UBE2E2: variants seen among roughly 807,000 people sequenced by gnomAD.
UBE2E2 encodes the protein ubiquitin-conjugating enzyme E2 E2.
UBE2E2 carries 6 observed loss-of-function variants against 24.7 expected under a neutral mutation model. The observed-to-expected ratio is 0.24, with a 90% CI of 0.13 to 0.48. The LOEUF is 0.48. UBE2E2 is among the 20% of genes least tolerant of loss of function. UBE2E2 has a pLI of 0.99. For synonymous variants in UBE2E2, 104 were observed against 83.6 expected, an observed-to-expected ratio of 1.24 and a Z score of -1.33; for missense variants, 169 against 245.0, an observed-to-expected ratio of 0.69 and a Z score of 2.07.
intron 3 of UBE2E2, among the ~76,000 whole-genome samples, chr3:23,345,080 T>A (rs34732257): frequency 6.6e-6 from 1 of 152,116 alleles, no homozygotes; most frequent in Non-Finnish European, 1.5e-5. Flanking sequence ...TCAGTACAGC[T>A]GCACTTATTT....
At chr3:23,293,032 C>T (rs973880775) in intron 3 of UBE2E2, among the ~76,000 whole-genome samples, 9 of 152,164 alleles carry the variant, frequency 5.9e-5, no homozygotes, top group Admixed American at 3.9e-4. Context: ...AAGATTGCAC[C>T]ATTGCACTCC....
At chr3:23,406,563 G>A (rs747705023) in intron 3 of UBE2E2, among the ~76,000 whole-genome samples, 2 of 152,168 alleles carry the variant, frequency 1.3e-5, no homozygotes, top group Admixed American at 1.3e-4. Flanking sequence ...ATAAGACATA[G>A]TAAAACTTAA....
Position 23,535,348 on chromosome 3 carries a change from C to A in UBE2E2, c.508+2647C>A, listed in dbSNP as rs577102646. Among the ~76,000 whole-genome samples the A allele has an allele frequency of 9.8e-5, 15 of 152,326 alleles. No individual in the cohort carries two copies. In the South Asian group the frequency reaches 3.1e-3, roughly 32 times the overall value. ...ACAATAGGTGACCGATAAACACCTA[C>A]TCAGTTGAATTTAACTGGGGAGATA... On this transcript the variant is annotated intron_variant, in intron 5 of 5. Coordinates refer to ENST00000396703, the MANE Select transcript of UBE2E2 (RefSeq NM_152653.4).
At chr3:23,271,481 G>T in intron 3 of UBE2E2, among the ~76,000 whole-genome samples, 1 of 152,156 alleles carries the variant, frequency 6.6e-6, no homozygotes, top group Non-Finnish European at 1.5e-5. Context: ...GGTTGCTGCC[G>T]CTGGCTCGGG....
chr3:23,220,646 A>T (rs187438668), intron 3 of UBE2E2, among the ~76,000 whole-genome samples: 50 of 152,342 alleles, frequency 3.3e-4, no homozygotes, highest in Admixed American at 2.2e-3. Context: ...TCCACTGATC[A>T]ATAAATGTTT....
chr3:23,422,681 CCAGAAGGCAGAA>C (rs1296897680), intron 3 of UBE2E2, among the ~76,000 whole-genome samples: 2 of 152,084 alleles, frequency 1.3e-5, no homozygotes, highest in African/African-American at 4.8e-5. Context: ...TGTTCTATTT[CCAGAAGGCAGAA>C]CAGAGACAGG....
At position 23,328,709 on chromosome 3, in the gene UBE2E2, C is replaced by G. The variant is rs568317316; in HGVS notation, c.227+111397C>G. Among the ~76,000 whole-genome samples, 14 of 151,418 alleles carry G rather than the reference C, an allele frequency of 9.2e-5. 1 individual carries two copies. In the South Asian group the frequency reaches 2.3e-3, roughly 25 times the overall value. On this transcript the variant is annotated intron_variant, in intron 3 of 5. Coordinates refer to ENST00000396703, the MANE Select transcript of UBE2E2 (RefSeq NM_152653.4). ...ACGGAGTCTCGCTCTGTCGCCCACGCTAAGTGCAGTGGCGCGATCTTGACT... is the reference window on the plus strand; with the variant it reads ...ACGGAGTCTCGCTCTGTCGCCCACGGTAAGTGCAGTGGCGCGATCTTGACT...
At chr3:23,270,149 CTCCTT>C (rs1559327490) in intron 3 of UBE2E2, among the ~76,000 whole-genome samples, 1 of 113,408 alleles carries the variant, frequency 8.8e-6, no homozygotes, top group African/African-American at 3.7e-5. Context: ...CACCCCCCTC[CTCCTT>C]TTTTTTTTTT....
intron 5 of UBE2E2, among the ~76,000 whole-genome samples, chr3:23,563,011 A>C (rs1695973075): frequency 6.6e-6 from 1 of 152,126 alleles, no homozygotes; most frequent in Non-Finnish European, 1.5e-5. Flanking sequence ...TGATCTTTTC[A>C]AAAAACCAGC....
intron 5 of UBE2E2, among the ~76,000 whole-genome samples, chr3:23,554,586 A>G (rs1048470178): frequency 6.6e-6 from 1 of 152,190 alleles, no homozygotes; most frequent in African/African-American, 2.4e-5. Context: ...AAGATAGATA[A>G]AAGACCTGAA....
chr3:23,357,436 C>G (rs1391552105), intron 3 of UBE2E2, among the ~76,000 whole-genome samples: 1 of 152,010 alleles, frequency 6.6e-6, no homozygotes, highest in Non-Finnish European at 1.5e-5. Flanking sequence ...TATCTGCATA[C>G]ACATAAATGA....
chr3:23,544,357 G>GA (rs1017985727), intron 5 of UBE2E2, among the ~76,000 whole-genome samples: 2 of 151,918 alleles, frequency 1.3e-5, no homozygotes, highest in African/African-American at 4.8e-5. Context: ...AAATCAGCAA[G>GA]AAAAAAACAG....
At chr3:23,555,844 A>G (rs1324067458) in intron 5 of UBE2E2, among the ~76,000 whole-genome samples, 1 of 152,192 alleles carries the variant, frequency 6.6e-6, no homozygotes, top group African/African-American at 2.4e-5. Flanking sequence ...TAAAGATAGC[A>G]AATAAAACAG....
chr3:23,303,004 G>A (rs1330518022), intron 3 of UBE2E2, among the ~76,000 whole-genome samples: 1 of 152,224 alleles, frequency 6.6e-6, no homozygotes, highest in Admixed American at 6.5e-5. Context: ...AGGTGAGCCA[G>A]TGAAGCTTCA....
chr3:23,321,303 T>C (rs1408295794), intron 3 of UBE2E2, among the ~76,000 whole-genome samples: 2 of 152,192 alleles, frequency 1.3e-5, no homozygotes, highest in Non-Finnish European at 2.9e-5. Flanking sequence ...AAAGAGCTTG[T>C]TCTTTACCAG....
rs567025336 is a variant in UBE2E2 at position 23,526,272 on chromosome 3, T to C, written c.361-6282T>C. On this transcript the variant is annotated intron_variant, in intron 4 of 5. Transcript: ENST00000396703. ...ATATGAAGCCCCTTGTGAAATAATATTATAACCTGTAGGAAAATTTAGTAA... is the reference window on the plus strand; with the variant it reads ...ATATGAAGCCCCTTGTGAAATAATACTATAACCTGTAGGAAAATTTAGTAA... Among the ~76,000 whole-genome samples the C allele has an allele frequency of 3.3e-5, 5 of 152,332 alleles. No individual in the cohort carries two copies. In the South Asian group the frequency reaches 1.0e-3, roughly 32 times the overall value.
chr3:23,221,761 C>T (rs563792362), intron 3 of UBE2E2, among the ~76,000 whole-genome samples: 2 of 152,168 alleles, frequency 1.3e-5, no homozygotes, highest in South Asian at 2.1e-4. Flanking sequence ...GTCAGCTTCC[C>T]GAGTAGCTGG....
At chr3:23,378,308 A>C (rs891478935) in intron 3 of UBE2E2, among the ~76,000 whole-genome samples, 2 of 151,752 alleles carry the variant, frequency 1.3e-5, no homozygotes, top group Non-Finnish European at 2.9e-5. Flanking sequence ...TCATTAGAGT[A>C]TATAGGAATT....
chr3:23,347,872 T>C (rs763591232), intron 3 of UBE2E2, among the ~76,000 whole-genome samples: 62 of 152,178 alleles, frequency 4.1e-4, no homozygotes, highest in Admixed American at 1.1e-3. Context: ...AAAGAAAATA[T>C]CTTGCACTTA....
Sources: gnomAD v4.1 joint callset for allele counts (sites outside exome capture counted in the v4.1 genomes callset) on GRCh38, gnomAD v4.1.1 for gene constraint, MANE v1.5 for transcripts, NCBI Gene and HGNC (gene_info 2026-07-23, HGNC 2026-07-21) for gene names.